The following KLRG1 variants were observed in gnomAD, a reference collection of about 807,000 sequenced individuals.
KLRG1 encodes killer cell lectin-like receptor subfamily G member 1.
A neutral mutation model predicts 21.8 loss-of-function variants in KLRG1; 16 were observed. That is an observed-to-expected ratio of 0.73 (90% CI 0.50 to 1.11). The LOEUF (loss-of-function observed/expected upper bound fraction) is 1.11, where lower values mean the gene tolerates loss of function less well. Among genes scored for constraint, KLRG1 ranks in the 50% most tolerant of loss-of-function variants. KLRG1 has a pLI of 0.00. For missense variants in KLRG1, 173 were observed against 218.3 expected, an observed-to-expected ratio of 0.79 and a Z score of 1.31; for synonymous variants, 69 against 75.9, an observed-to-expected ratio of 0.91 and a Z score of 0.47.
At chr12:9,176,741 C>T in the KLRG1 span, among the ~76,000 whole-genome samples, 1 of 152,200 alleles carries the variant, frequency 6.6e-6, no homozygotes, top group Non-Finnish European at 1.5e-5. Context: ...CGAGTAACTC[C>T]TGAGTGCCTC....
chr12:9,179,780 G>A, the KLRG1 span, among the ~76,000 whole-genome samples: 1 of 152,218 alleles, frequency 6.6e-6, no homozygotes, highest in Non-Finnish European at 1.5e-5. Flanking sequence ...TATCACGTAG[G>A]TGGGGAATCT....
chr12:9,031,101 G>C, the KLRG1 span, among the ~76,000 whole-genome samples: 1 of 152,176 alleles, frequency 6.6e-6, no homozygotes, highest in African/African-American at 2.4e-5. Context: ...CTGCAGGGCT[G>C]CTGCACGTGG....
chr12:8,986,940 A>G (rs902227401), upstream of KLRG1, among the ~76,000 whole-genome samples: 1 of 152,132 alleles, frequency 6.6e-6, no homozygotes, highest in African/African-American at 2.4e-5. Context: ...TGGCCATGTA[A>G]GACATTTCCC....
the KLRG1 span, chr12:9,106,403 A>G: frequency 1.1e-4 from 166 of 1,455,380 alleles, 1 homozygote; most frequent in Admixed American, 4.6e-4. Context: ...CTAAAATTCT[A>G]TCACCTCCCC....
chr12:9,207,828 G>T, the KLRG1 span, among the ~76,000 whole-genome samples: 1 of 152,126 alleles, frequency 6.6e-6, no homozygotes, highest in South Asian at 2.1e-4. Context: ...TCCCTGCTTT[G>T]GTCCCCCACT....
the KLRG1 span, chr12:9,029,063 C>T: frequency 1.9e-6 from 1 of 524,660 alleles, no homozygotes; most frequent in East Asian, 4.0e-5. Context: ...GCTGGTCAGG[C>T]TCTTTAGGAG....
the KLRG1 span, among the ~76,000 whole-genome samples, chr12:9,108,164 C>T: frequency 2.0e-5 from 3 of 151,920 alleles, no homozygotes; most frequent in East Asian, 1.9e-4. Context: ...CTCGCTCTGT[C>T]GCCCAGGCTG....
chr12:9,113,380 G>A, the KLRG1 span: 1 of 1,613,530 alleles, frequency 6.2e-7, no homozygotes, highest in Admixed American at 1.7e-5. Flanking sequence ...ACACAGTGGA[G>A]TACGTCATTC....
chr12:9,022,624 G>A, the KLRG1 span, among the ~76,000 whole-genome samples: 3 of 152,134 alleles, frequency 2.0e-5, no homozygotes, highest in Admixed American at 1.3e-4. Context: ...TGATCAGAGG[G>A]CTGGGATTTT....
chr12:9,202,710 C>A, the KLRG1 span: 1 of 1,605,228 alleles, frequency 6.2e-7, no homozygotes, highest in Non-Finnish European at 8.5e-7. Flanking sequence ...TTTTTTACTA[C>A]TGAGGAACTG....
the KLRG1 span, among the ~76,000 whole-genome samples, chr12:9,024,317 G>A: frequency 1.3e-4 from 20 of 152,018 alleles, no homozygotes; most frequent in East Asian, 2.1e-3. Flanking sequence ...GTGAGCCACC[G>A]TGCCTGGCCA....
At chr12:9,072,484 T>G in the KLRG1 span, 1 of 1,611,476 alleles carries the variant, frequency 6.2e-7, no homozygotes, top group Non-Finnish European at 8.5e-7. Context: ...ATTTCAAGGA[T>G]GTCTATAGAA....
the KLRG1 span, among the ~76,000 whole-genome samples, chr12:9,146,617 C>T: frequency 6.6e-6 from 1 of 151,228 alleles, no homozygotes; most frequent in Admixed American, 6.6e-5. Flanking sequence ...AGGCACCTCT[C>T]CCATTCTTCA....
chr12:9,164,093 C>A, the KLRG1 span: 1 of 1,577,290 alleles, frequency 6.3e-7, no homozygotes, highest in Non-Finnish European at 8.7e-7. Context: ...CAGCCACCGT[C>A]CTTGTTGATT....
chr12:9,112,295 T>A, the KLRG1 span: 1 of 1,604,602 alleles, frequency 6.2e-7, no homozygotes, highest in Non-Finnish European at 8.5e-7. Context: ...GAACCAAGAT[T>A]ATAGGAACTT....
the KLRG1 span, among the ~76,000 whole-genome samples, chr12:9,120,685 A>C: frequency 6.6e-6 from 1 of 152,180 alleles, no homozygotes; most frequent in African/African-American, 2.4e-5. Context: ...AGTATCAAAA[A>C]CAAGCTCAGT....
intron 3 of KLRG1, among the ~76,000 whole-genome samples, chr12:9,000,766 G>C (rs929051920): frequency 6.6e-6 from 1 of 152,188 alleles, no homozygotes; most frequent in African/African-American, 2.4e-5. Flanking sequence ...TTATTCATCA[G>C]TGGATACCTG....
At chr12:9,162,711 G>T in the KLRG1 span, 1 of 1,292,494 alleles carries the variant, frequency 7.7e-7, no homozygotes, top group Non-Finnish European at 1.1e-6. Flanking sequence ...AGAACCACAT[G>T]GATTCCTTTC....
chr12:9,116,161 C>A, the KLRG1 span: 1 of 358,454 alleles, frequency 2.8e-6, no homozygotes, highest in South Asian at 2.3e-5. Context: ...GCTTTTCAAC[C>A]TCTTCTCTCC....
Sources: gnomAD v4.1 joint callset for allele counts (sites outside exome capture counted in the v4.1 genomes callset) on GRCh38, gnomAD v4.1.1 for gene constraint, MANE v1.5 for transcripts, NCBI Gene and HGNC (gene_info 2026-07-23, HGNC 2026-07-21) for gene names.